Variants in C12orf42 observed in about 807,000 individuals in gnomAD.
C12orf42 encodes the protein uncharacterized protein C12orf42.
Under a neutral mutation model 21.6 loss-of-function variants are expected in C12orf42, and 25 were observed. The ratio of observed to expected loss-of-function variants is 1.16; its 90% CI spans 0.84 to 1.62. The LOEUF is 1.62. Ranked by LOEUF, C12orf42 falls within the 40% of genes most tolerant of loss-of-function variation. The probability of loss-of-function intolerance (pLI) is 0.00; values close to 1 mark genes in which losing one functional copy is unlikely to be tolerated. For synonymous variants in C12orf42, 174 were observed against 175.0 expected (o/e 0.99, Z 0.05); for missense variants, 483 against 459.3 (o/e 1.05, Z -0.47).
chr12:103,484,948 C>T (rs543899348), intron 1 of C12orf42, among the ~76,000 whole-genome samples: 14 of 143,362 alleles, frequency 9.8e-5, no homozygotes, highest in Non-Finnish European at 1.4e-4. Context: ...CGGCTCACTG[C>T]AAGCTCCACC....
chr12:103,116,381 AAT>A, the C12orf42 span, among the ~76,000 whole-genome samples: 35 of 136,680 alleles, frequency 2.6e-4, no homozygotes, highest in African/African-American at 6.6e-4. Context: ...AAAAAAAAAA[AAT>A]ATATATATAT....
intron 2 of C12orf42, among the ~76,000 whole-genome samples, chr12:103,475,949 G>C (rs1173250075): frequency 6.6e-6 from 1 of 152,088 alleles, no homozygotes; most frequent in Non-Finnish European, 1.5e-5. Context: ...ATGAAAGATG[G>C]GGCCTGTTTG....
the C12orf42 span, among the ~76,000 whole-genome samples, chr12:103,196,714 GT>G: frequency 6.7e-6 from 1 of 149,592 alleles, no homozygotes; most frequent in African/African-American, 2.5e-5. Context: ...TTTAAAGTCT[GT>G]TTTTTTTTCT....
At position 103,307,214 on chromosome 12, in the gene C12orf42, A is replaced by G. The variant is rs927966550; in HGVS notation, c.260-869T>C. 7.2e-5 allele frequency among the ~76,000 whole-genome samples: 11 copies of G among 152,342 alleles called. 1 individual carries two copies. In the Middle Eastern group the frequency reaches 0.01, roughly 141 times the overall value. ...TTGCTAAAGGTCACAAATAATTAGC[A>G]GAGTTGAAACTTGAATCCACATCTG... On this transcript the variant is annotated intron_variant, in intron 4 of 5. Coordinates refer to ENST00000548883, the MANE Select transcript of C12orf42 (RefSeq NM_198521.5).
the C12orf42 span, among the ~76,000 whole-genome samples, chr12:103,117,726 T>C: frequency 6.6e-6 from 1 of 152,350 alleles, no homozygotes; most frequent in Middle Eastern, 3.4e-3. Context: ...CTTTCCATAG[T>C]GGTGGAGGGT....
At chr12:103,220,860 A>G in the C12orf42 span, among the ~76,000 whole-genome samples, 3 of 152,346 alleles carry the variant, frequency 2.0e-5, no homozygotes, top group Admixed American at 1.3e-4. Flanking sequence ...CAATTGCTCA[A>G]GGAAGATTCC....
rs200549825 is a variant in C12orf42 at position 103,261,476 on chromosome 12, CAAAAAA to C, written c.*1366+1844_*1366+1849del. Among the ~76,000 whole-genome samples, 9 of 78,826 alleles carry C rather than the reference CAAAAAA, an allele frequency of 1.1e-4. No individual in the cohort carries two copies. The East Asian group carries it at 1.8e-3, about 15-fold the overall frequency. 51.7% of individuals were successfully genotyped at this position (78,826 alleles called of 152,430 possible). On this transcript the variant is annotated intron_variant and NMD_transcript_variant, in intron 10 of 10. Coordinates refer to the C12orf42 transcript ENST00000547347. ...CAGCTGGGTGACAATGAGACTCTTT[CAAAAAA>C]AAAAAAAAAAAAAAAAGTATGGTTC...
chr12:103,483,170 T>A (rs1397796828), intron 1 of C12orf42, among the ~76,000 whole-genome samples: 4 of 152,126 alleles, frequency 2.6e-5, no homozygotes, highest in Admixed American at 1.3e-4. Flanking sequence ...ACCTTATATG[T>A]AAAATTCCAA....
intron 1 of C12orf42, among the ~76,000 whole-genome samples, chr12:103,485,771 T>G (rs1310851266): frequency 6.6e-6 from 1 of 152,206 alleles, no homozygotes; most frequent in Non-Finnish European, 1.5e-5. Flanking sequence ...TGGCTCCCTG[T>G]TTTTCTATTA....
chr12:103,338,911 A>T (rs546350814), intron 4 of C12orf42, among the ~76,000 whole-genome samples: 97 of 152,320 alleles, frequency 6.4e-4, no homozygotes, highest in Non-Finnish European at 1.2e-3. Context: ...CTGTTATGAC[A>T]CAGACACCTA....
chr12:103,444,579 T>C (rs988472039), intron 2 of C12orf42, among the ~76,000 whole-genome samples: 8 of 152,102 alleles, frequency 5.3e-5, no homozygotes, highest in Non-Finnish European at 1.0e-4. Flanking sequence ...AGTATGTACC[T>C]GCAAATTGTG....
intron 4 of C12orf42, among the ~76,000 whole-genome samples, chr12:103,341,112 CAAAAAAAAAA>C (rs34154888): frequency 1.3e-4 from 6 of 47,684 alleles, no homozygotes; most frequent in Admixed American, 2.4e-4. Context: ...GACTCTGTCT[CAAAAAAAAAA>C]AAAAAAAAAA....
At position 103,369,347 on chromosome 12, in the gene C12orf42, C is replaced by CAAA. The variant is rs35959433; in HGVS notation, c.148-352_148-350dup. Among the ~76,000 whole-genome samples the CAAA allele has an allele frequency of 1.9e-4, 28 of 149,444 alleles. No homozygotes were observed. In the South Asian group the frequency reaches 2.1e-3, roughly 11 times the overall value. ...AAATTGACATATTAGTGGAGAGTGA[C>CAAA]AAAAAAAAACAAATATATCTACAAT... On this transcript the variant is annotated intron_variant, in intron 3 of 5. Coordinates refer to ENST00000548883, the MANE Select transcript of C12orf42 (RefSeq NM_198521.5).
chr12:103,210,639 C>CTTTTCTTTTTT, the C12orf42 span, among the ~76,000 whole-genome samples: 2 of 77,640 alleles, frequency 2.6e-5, no homozygotes, highest in African/African-American at 4.5e-5. Flanking sequence ...CCCTCTATTT[C>CTTTTCTTTTTT]TTTTTTTTTT....
chr12:103,400,430 C>T (rs1485409389), intron 3 of C12orf42, among the ~76,000 whole-genome samples: 1 of 152,186 alleles, frequency 6.6e-6, no homozygotes, highest in East Asian at 1.9e-4. Context: ...AACAAAGGGA[C>T]TTTGCTGGGG....
At chr12:103,149,813 C>G in the C12orf42 span, among the ~76,000 whole-genome samples, 1 of 152,096 alleles carries the variant, frequency 6.6e-6, no homozygotes, top group African/African-American at 2.4e-5. Context: ...TTGGGTATTT[C>G]TTTATAGCAG....
chr12:103,325,373 T>C (rs2040577970), intron 4 of C12orf42, among the ~76,000 whole-genome samples: 1 of 152,230 alleles, frequency 6.6e-6, no homozygotes. Context: ...GTCACAGTTA[T>C]CTCTACCAAT....
the C12orf42 span, among the ~76,000 whole-genome samples, chr12:103,506,857 ATT>A: frequency 1.0e-4 from 8 of 77,018 alleles, no homozygotes; most frequent in African/African-American, 4.4e-4. Flanking sequence ...ATATTTATAT[ATT>A]ATATATATAT....
downstream of C12orf42, chr12:103,301,935 A>G: frequency 4.2e-6 from 3 of 715,476 alleles, no homozygotes; most frequent in Non-Finnish European, 6.8e-6. Flanking sequence ...TTCAAAAGGA[A>G]CATTTTTGGC....
Sources: allele counts gnomAD v4.1 joint callset (sites outside exome capture counted in the v4.1 genomes callset), GRCh38; gene constraint gnomAD v4.1.1; transcripts MANE v1.5; gene names NCBI Gene and HGNC (gene_info 2026-07-23, HGNC 2026-07-21).